The following POLA1 variants were observed in gnomAD, a reference collection of about 807,000 sequenced individuals.
The protein encoded by POLA1 is DNA polymerase alpha catalytic subunit.
A neutral mutation model predicts 124.0 loss-of-function variants in POLA1; 15 were observed. The observed-to-expected ratio is 0.12, with a 90% CI of 0.08 to 0.19. The LOEUF is 0.19. POLA1 is among the 10% of genes least tolerant of loss of function. The pLI is 1.00. For missense variants in POLA1, 886 were observed against 1,103.4 expected (o/e 0.80, Z 2.79); for synonymous variants, 408 against 389.4 (o/e 1.05, Z -0.56).
intron 34 of POLA1, among the ~76,000 whole-genome samples, chrX:24,858,352 G>A (rs1254059798): frequency 8.9e-6 from 1 of 111,752 alleles, no homozygotes; most frequent in African/African-American, 3.3e-5. Context: ...ATGATTTCAT[G>A]ACATCATCTG....
At chrX:24,740,810 A>G (rs1188815355) in intron 20 of POLA1, among the ~76,000 whole-genome samples, 1 of 111,497 alleles carries the variant, frequency 9.0e-6, no homozygotes, top group Non-Finnish European at 1.9e-5. Context: ...TTCTCAGTAA[A>G]ATCTTCCACT....
intron 36 of POLA1, among the ~76,000 whole-genome samples, chrX:24,951,523 T>C (rs1312319360): frequency 3.6e-5 from 4 of 110,181 alleles, no homozygotes; most frequent in Non-Finnish European, 7.6e-5. Context: ...TTTTAAATAC[T>C]GGTGTGTTTA....
rs760051054 is a variant in POLA1, at chrX:24,790,213, A to G, written c.2965-19685A>G. On this transcript the variant is annotated intron_variant, in intron 26 of 36. Transcript: ENST00000379068. ...CTGAAAACTGTGGTTGGATGTAGAAATTAACTCTGAGAACTTTAGACGTCA... is the reference window on the plus strand; with the variant it reads ...CTGAAAACTGTGGTTGGATGTAGAAGTTAACTCTGAGAACTTTAGACGTCA... Among the ~76,000 whole-genome samples the G allele has an allele frequency of 2.7e-4, 30 of 112,109 alleles. 1 individual carries two copies. Among genetic ancestry groups the G allele is most frequent in the Middle Eastern group, 9.3e-3 (2 of 216 alleles).
At chrX:24,923,930 A>G (rs2047655443) in intron 35 of POLA1, among the ~76,000 whole-genome samples, 1 of 112,269 alleles carries the variant, frequency 8.9e-6, no homozygotes, top group South Asian at 3.7e-4. Context: ...CAACCTTTTC[A>G]TAATCAAGAC....
At chrX:24,885,825 G>T (rs1385312169) in intron 34 of POLA1, among the ~76,000 whole-genome samples, 1 of 112,300 alleles carries the variant, frequency 8.9e-6, no homozygotes, top group Non-Finnish European at 1.9e-5. Flanking sequence ...CGCCCGGCCA[G>T]TATCTTGTTT....
intron 30 of POLA1, among the ~76,000 whole-genome samples, chrX:24,817,652 CATT>C (rs1001070925): frequency 9.2e-6 from 1 of 109,138 alleles, no homozygotes; most frequent in African/African-American, 3.3e-5. Flanking sequence ...TTTACTGTCC[CATT>C]ATTCTTAACT....
chrX:24,751,697 A>G (rs974915832), intron 26 of POLA1, among the ~76,000 whole-genome samples: 2 of 112,226 alleles, frequency 1.8e-5, no homozygotes, highest in South Asian at 7.4e-4. Flanking sequence ...ATGATTTTTA[A>G]AGTATTGGTG....
chrX:24,754,653 TTTTTC>T (rs1336968173), intron 26 of POLA1, among the ~76,000 whole-genome samples: 2 of 111,994 alleles, frequency 1.8e-5, no homozygotes, highest in African/African-American at 3.2e-5. Context: ...CTCTCATTTC[TTTTTC>T]TTTTTCGGAG....
At chrX:24,723,335 C>A in intron 11 of POLA1, 68 bp downstream of exon 11, 1 of 671,918 alleles carries the variant, frequency 1.5e-6, no homozygotes, top group Non-Finnish European at 2.4e-6. Flanking sequence ...GTTTTGCAGC[C>A]AGCTCTCTCT....
At chrX:24,702,815 A>G (rs771221223) in intron 2 of POLA1, among the ~76,000 whole-genome samples, 3 of 112,389 alleles carry the variant, frequency 2.7e-5, no homozygotes, top group African/African-American at 6.5e-5. Flanking sequence ...CAGGCATGAA[A>G]ATTATCGTCT....
At chrX:24,901,590 A>G (rs2047278973) in intron 35 of POLA1, among the ~76,000 whole-genome samples, 1 of 111,657 alleles carries the variant, frequency 9.0e-6, no homozygotes, top group African/African-American at 3.3e-5. Flanking sequence ...AGAGTGCAGT[A>G]TCTGACTAAG....
chrX:24,783,744 A>G (rs966174001), intron 26 of POLA1, among the ~76,000 whole-genome samples: 5 of 112,016 alleles, frequency 4.5e-5, no homozygotes, highest in African/African-American at 1.3e-4. Context: ...TTTTCCTTAC[A>G]TTACTTGTGC....
rs191316710 is a variant in POLA1, at chrX:24,898,575, C to T, written c.4164+10453C>T. Among the ~76,000 whole-genome samples the T allele has an allele frequency of 3.6e-5, 4 of 112,483 alleles. No homozygotes were observed. The East Asian group carries it at 1.1e-3, about 31-fold the overall frequency. On this transcript the variant is annotated intron_variant, in intron 35 of 36. Transcript: ENST00000379068. ...GTGGAGACATCAAATACCGCTTCAGCTAAATGTCTTTGTTTCCAACTGTGT... is the reference window on the plus strand; with the variant it reads ...GTGGAGACATCAAATACCGCTTCAGTTAAATGTCTTTGTTTCCAACTGTGT...
At chrX:24,923,634 T>A (rs1468084183) in intron 35 of POLA1, among the ~76,000 whole-genome samples, 1 of 112,163 alleles carries the variant, frequency 8.9e-6, no homozygotes, top group African/African-American at 3.2e-5. Flanking sequence ...CTAATCAAAT[T>A]ACCAAAAAGA....
intron 26 of POLA1, among the ~76,000 whole-genome samples, chrX:24,794,374 C>G (rs1312013035): frequency 8.9e-6 from 1 of 112,206 alleles, no homozygotes; most frequent in Non-Finnish European, 1.9e-5. Context: ...CTTCACTATT[C>G]TCTTATTCCA....
intron 36 of POLA1, among the ~76,000 whole-genome samples, chrX:24,986,901 C>G (rs1250904207): frequency 9.0e-6 from 1 of 111,397 alleles, no homozygotes; most frequent in Non-Finnish European, 1.9e-5. Context: ...CACCAGTTAT[C>G]CAGAGCGTTG....
At chrX:24,788,107 A>G (rs1367784309) in intron 26 of POLA1, among the ~76,000 whole-genome samples, 1 of 112,409 alleles carries the variant, frequency 8.9e-6, no homozygotes, top group Non-Finnish European at 1.9e-5. Flanking sequence ...AATGAAAGAT[A>G]AAAATCATAT....
chrX:24,887,214 C>G (rs2047076351), intron 34 of POLA1, among the ~76,000 whole-genome samples: 1 of 111,966 alleles, frequency 8.9e-6, no homozygotes, highest in South Asian at 3.7e-4. Context: ...GATTTAAGGT[C>G]TTAGGTATAT....
At chrX:24,907,700 G>A (rs1473255654) in intron 35 of POLA1, among the ~76,000 whole-genome samples, 1 of 111,817 alleles carries the variant, frequency 8.9e-6, no homozygotes, top group Non-Finnish European at 1.9e-5. Context: ...ATTGCCAGCC[G>A]ACCAGCTCTG....
Sources: gnomAD v4.1 joint callset for allele counts (sites outside exome capture counted in the v4.1 genomes callset) on GRCh38, gnomAD v4.1.1 for gene constraint, MANE v1.5 for transcripts, NCBI Gene and HGNC (gene_info 2026-07-23, HGNC 2026-07-21) for gene names.